The following DGAT2 variants were observed in gnomAD, a reference collection of about 807,000 sequenced individuals.
The protein encoded by DGAT2 is acyl-CoA retinol O-fatty-acyltransferase.
A neutral mutation model predicts 48.4 loss-of-function variants in DGAT2; 33 were observed. The ratio of observed to expected loss-of-function variants is 0.68; its 90% confidence interval spans 0.52 to 0.91. The LOEUF is 0.91. Among genes scored for constraint, DGAT2 ranks in the 40% least tolerant of loss-of-function variants. The pLI is 0.00. For synonymous variants in DGAT2, 191 were observed against 194.1 expected, an observed-to-expected ratio of 0.98 and a Z score of 0.13; for missense variants, 446 against 493.7, an observed-to-expected ratio of 0.90 and a Z score of 0.92.
At chr11:75,789,625 G>A (rs1219194924) in intron 2 of DGAT2, among the ~76,000 whole-genome samples, 1 of 152,334 alleles carries the variant, frequency 6.6e-6, no homozygotes, top group African/African-American at 2.4e-5. Context: ...TACAGAGAAC[G>A]GACTGTAGAG....
chr11:75,778,124 C>G (rs1424235889), intron 1 of DGAT2, among the ~76,000 whole-genome samples: 1 of 152,110 alleles, frequency 6.6e-6, no homozygotes, highest in Admixed American at 6.5e-5. Context: ...ACCCACCTCA[C>G]CCAGGAAGCC....
intron 4 of DGAT2, chr11:75,793,559 C>T (rs1422868909): frequency 1.3e-5 from 2 of 152,290 alleles, no homozygotes; most frequent in African/African-American, 4.8e-5. Flanking sequence ...TTCTAGGCCT[C>T]AGCTTCCCCC....
At chr11:75,781,560 C>T (rs1165797983) in intron 1 of DGAT2, among the ~76,000 whole-genome samples, 1 of 152,264 alleles carries the variant, frequency 6.6e-6, no homozygotes, top group Non-Finnish European at 1.5e-5. Context: ...CCCACGGAAG[C>T]ACTTGCCATT....
At chr11:75,771,806 AAGG>A (rs1304006993) in intron 1 of DGAT2, among the ~76,000 whole-genome samples, 1 of 152,148 alleles carries the variant, frequency 6.6e-6, no homozygotes, top group African/African-American at 2.4e-5. Context: ...TAGGCTGAGA[AAGG>A]AGGGCCAAGA....
At chr11:75,790,440 A>T in intron 3 of DGAT2, 145 bp downstream of exon 3, 1 of 838,456 alleles carries the variant, frequency 1.2e-6, no homozygotes, top group Non-Finnish European at 2.0e-6. Context: ...GGGGGAGGTT[A>T]AAAGCCCCTC....
In DGAT2 at chr11:75,800,364, C is replaced by A; in HGVS notation, c.1023C>A (p.Pro341=). The change falls in exon 8 of 8, where the codon CCC becomes CCA. Residue 341 remains proline (P), a synonymous_variant. Coordinates refer to ENST00000228027, the MANE Select transcript of DGAT2 (RefSeq NM_032564.5). Reference sequence around the variant, plus strand: ...GCCCTGTCCCTGCAGTGGGAGAGCCCATCACCATCCCCAAGCTGGAGCACC... The same window carrying A: ...GCCCTGTCCCTGCAGTGGGAGAGCCAATCACCATCCCCAAGCTGGAGCACC... ...SKPITTVVGE[P]ITIPKLEHPT... 1 of 1,614,114 alleles carries A rather than the reference C, an allele frequency of 6.2e-7. No homozygotes were observed. The highest frequency in any genetic ancestry group is 1.3e-5 in the African/African-American group (1 of 75,048).
At position 75,775,590 on chromosome 11, in the gene DGAT2, C is replaced by T. The variant is rs1944796424; in HGVS notation, c.121+6478C>T. Among the ~76,000 whole-genome samples, 4 of 152,190 alleles carry T rather than the reference C, an allele frequency of 2.6e-5. No individual in the cohort carries two copies. In the South Asian group the frequency reaches 8.3e-4, roughly 31 times the overall value. ...AGTGAGCTCTGACTGGCTGTCTTCT[C>T]TGCCTTCAGGGTAGAGGCCAGGACT... On this transcript the variant is annotated intron_variant, in intron 1 of 7. Transcript: ENST00000228027.
At chr11:75,780,658 C>T (rs1484938025) in intron 1 of DGAT2, among the ~76,000 whole-genome samples, 2 of 152,210 alleles carry the variant, frequency 1.3e-5, no homozygotes, top group African/African-American at 4.8e-5. Flanking sequence ...CTCCCCACCA[C>T]TGCCCCCTGC....
chr11:75,796,790 T>C, intron 5 of DGAT2: 1 of 537,048 alleles, frequency 1.9e-6, no homozygotes, highest in Non-Finnish European at 3.3e-6. Context: ...AGCCCTTGTG[T>C]TGCCTTTTGT....
chr11:75,772,124 G>A (rs1944765133), intron 1 of DGAT2, among the ~76,000 whole-genome samples: 1 of 152,176 alleles, frequency 6.6e-6, no homozygotes, highest in Non-Finnish European at 1.5e-5. Context: ...CATTGTAGGT[G>A]CTCAGTGGTT....
intron 2 of DGAT2, among the ~76,000 whole-genome samples, chr11:75,788,012 C>G (rs575512553): frequency 1.3e-5 from 2 of 152,322 alleles, no homozygotes; most frequent in East Asian, 3.9e-4. Context: ...GGGTTACCCC[C>G]CTTCCCAGAG....
intron 1 of DGAT2, among the ~76,000 whole-genome samples, chr11:75,771,458 C>T (rs1268287811): frequency 6.6e-6 from 1 of 152,012 alleles, no homozygotes; most frequent in African/African-American, 2.4e-5. Context: ...TTGTTGTGTG[C>T]GGCTCCAAAG....
intron 1 of DGAT2, among the ~76,000 whole-genome samples, chr11:75,773,030 C>T (rs1426539368): frequency 1.3e-5 from 2 of 152,138 alleles, no homozygotes; most frequent in East Asian, 3.8e-4. Context: ...GAATATGAGT[C>T]CCTTGGAAAC....
intron 1 of DGAT2, among the ~76,000 whole-genome samples, chr11:75,771,726 C>T (rs971094416): frequency 9.2e-5 from 14 of 152,048 alleles, no homozygotes; most frequent in Non-Finnish European, 1.6e-4. Flanking sequence ...CGTGTGGCTT[C>T]CCCCCTCACC....
chr11:75,785,372 C>CA (rs1944910573), intron 2 of DGAT2, among the ~76,000 whole-genome samples: 1 of 152,202 alleles, frequency 6.6e-6, no homozygotes, highest in South Asian at 2.1e-4. Flanking sequence ...CCTCAGACCC[C>CA]ACTCCCAGCC....
chr11:75,797,346 T>C lies in DGAT2; in HGVS notation c.809+14T>C, dbSNP rs199994187. 1.5e-3 allele frequency: 2,163 copies of C among 1,441,286 alleles called. No individual in the cohort carries two copies. Among genetic ancestry groups the C allele is most frequent in the Non-Finnish European group, 1.8e-3 (1,975 of 1,088,062 alleles). 89.3% of individuals were successfully genotyped at this position (1,441,286 alleles called of 1,614,324 possible). A position where few individuals can be genotyped will look rare whatever the true frequency, so the allele number is the denominator to read the frequency against. ...CCTGCGTCATGGGTGAGTGCCTCCC[T>C]ACACACACACACACCCCTCCAGTGC... On this transcript the variant is annotated intron_variant, in intron 6 of 7. Coordinates refer to ENST00000228027, the MANE Select transcript of DGAT2 (RefSeq NM_032564.5).
chr11:75,772,283 C>A (rs989782643), intron 1 of DGAT2, among the ~76,000 whole-genome samples: 1 of 152,164 alleles, frequency 6.6e-6, no homozygotes, highest in Non-Finnish European at 1.5e-5. Context: ...CAGTTGCCCC[C>A]TACCCACACT....
At chr11:75,797,685 G>A (rs1945071732) in intron 6 of DGAT2, among the ~76,000 whole-genome samples, 1 of 152,168 alleles carries the variant, frequency 6.6e-6, no homozygotes, top group African/African-American at 2.4e-5. Flanking sequence ...GACAGCAGCT[G>A]TTTTCTCTGT....
At chr11:75,794,340 T>C (rs1227316079) in intron 4 of DGAT2, 1 of 152,218 alleles carries the variant, frequency 6.6e-6, no homozygotes, top group Non-Finnish European at 1.5e-5. Flanking sequence ...ATTCTGCTGG[T>C]GGCCAGTGAC....
Sources: allele counts gnomAD v4.1 joint callset (sites outside exome capture counted in the v4.1 genomes callset), GRCh38; gene constraint gnomAD v4.1.1; transcripts MANE v1.5; gene names NCBI Gene and HGNC (gene_info 2026-07-23, HGNC 2026-07-21).